The following BMPER variants were observed in gnomAD, a reference collection of about 807,000 sequenced individuals.
BMPER encodes BMP binding endothelial regulator.
Under a neutral mutation model 87.3 loss-of-function variants are expected in BMPER, and 45 were observed. The observed-to-expected ratio is 0.52, with a 90% CI of 0.41 to 0.66. The LOEUF (loss-of-function observed/expected upper bound fraction) is 0.66. Among genes scored for constraint, BMPER ranks in the 30% least tolerant of loss-of-function variants. The pLI, the probability that BMPER is intolerant of heterozygous loss-of-function variation, is 0.00. For synonymous variants in BMPER, 326 were observed against 316.2 expected, an observed-to-expected ratio of 1.03 and a Z score of -0.33; for missense variants, 784 against 867.5, an observed-to-expected ratio of 0.90 and a Z score of 1.21.
In BMPER at chr7:33,970,431, A is replaced by G. The variant is rs749759930; in HGVS notation, c.493+12A>G. 38 of 1,610,620 alleles carry G rather than the reference A, an allele frequency of 2.4e-5. No homozygotes were observed. Among genetic ancestry groups the G allele is most frequent in the East Asian group, 4.5e-5 (2 of 44,878 alleles). ...CCCCACATGTCCAGGTAACGTTCTCAGGAAGGGGAGGCTGGAAATCTCTGT... is the reference window on the plus strand; with the variant it reads ...CCCCACATGTCCAGGTAACGTTCTCGGGAAGGGGAGGCTGGAAATCTCTGT... On this transcript the variant is annotated intron_variant, in intron 5 of 14. Transcript: ENST00000649409.
At chr7:34,084,026 G>A (rs547605973) in intron 12 of BMPER, among the ~76,000 whole-genome samples, 41 of 146,570 alleles carry the variant, frequency 2.8e-4, no homozygotes, top group Middle Eastern at 3.7e-3. Context: ...AAAAAAGGCC[G>A]CATGCAGTGG....
rs1400844845 is a variant in BMPER, at chr7:34,153,869, A to C, written c.*596A>C. 6.4e-6 allele frequency: 1 copy of C among 155,546 alleles called. No homozygotes were observed. Among genetic ancestry groups the C allele is most frequent in the Non-Finnish European group, 1.4e-5 (1 of 69,786 alleles). The allele number at this position is 155,546 out of a possible 1,614,324, so 9.6% of individuals were successfully genotyped here. A position where few individuals can be genotyped will look rare whatever the true frequency, so the allele number is the denominator to read the frequency against. On this transcript the variant is annotated 3_prime_UTR_variant, in exon 15 of 15. Transcript: ENST00000649409. ...GGTCATGGGCTAACATTATTTCCAA[A>C]ATTGATTGGCTGGTTGCCAAGAAAT... is the stretch of plus-strand genomic sequence containing the variant.
intron 2 of BMPER, among the ~76,000 whole-genome samples, chr7:33,920,643 C>G (rs893529405): frequency 1.3e-5 from 2 of 151,834 alleles, no homozygotes; most frequent in Non-Finnish European, 2.9e-5. Context: ...TCAGGCTGGT[C>G]TTGAACTCCT....
At chr7:34,122,671 A>AT (rs940569912) in intron 13 of BMPER, among the ~76,000 whole-genome samples, 1 of 152,202 alleles carries the variant, frequency 6.6e-6, no homozygotes, top group African/African-American at 2.4e-5. Context: ...CTCCTTGAGA[A>AT]TTTTGGTTTT....
At chr7:33,936,027 G>GC (rs1303335393) in intron 2 of BMPER, among the ~76,000 whole-genome samples, 1 of 152,026 alleles carries the variant, frequency 6.6e-6, no homozygotes, top group Non-Finnish European at 1.5e-5. Flanking sequence ...ACACAAGCTC[G>GC]CAGGCACATA....
intron 3 of BMPER, among the ~76,000 whole-genome samples, chr7:33,962,014 C>T (rs1458332626): frequency 6.6e-6 from 1 of 152,140 alleles, no homozygotes; most frequent in African/African-American, 2.4e-5. Flanking sequence ...AGAAACTAGG[C>T]ACAGCCAAGG....
chr7:34,051,125 G>A (rs555373602), intron 7 of BMPER, among the ~76,000 whole-genome samples: 4 of 152,218 alleles, frequency 2.6e-5, no homozygotes, highest in South Asian at 2.1e-4. Context: ...TTGTCACGTC[G>A]TGGTGAGGGT....
At chr7:34,140,946 A>G (rs139370878) in intron 13 of BMPER, among the ~76,000 whole-genome samples, 65 of 152,262 alleles carry the variant, frequency 4.3e-4, no homozygotes, top group African/African-American at 1.4e-3. Context: ...AGCCGTGTAT[A>G]CAGAAAGAGA....
At chr7:33,942,320 C>G (rs1011350101) in intron 3 of BMPER, among the ~76,000 whole-genome samples, 7 of 152,144 alleles carry the variant, frequency 4.6e-5, no homozygotes, top group African/African-American at 1.7e-4. Flanking sequence ...AGGTAGTACT[C>G]CTGGTGGTAC....
intron 13 of BMPER, among the ~76,000 whole-genome samples, chr7:34,114,587 A>G (rs1176563906): frequency 1.3e-5 from 2 of 152,224 alleles, no homozygotes; most frequent in Non-Finnish European, 2.9e-5. Flanking sequence ...AAATATATCA[A>G]TTAATCATAC....
At chr7:33,988,766 TC>T (rs1460934283) in intron 6 of BMPER, among the ~76,000 whole-genome samples, 3 of 70,508 alleles carry the variant, frequency 4.3e-5, no homozygotes, top group Non-Finnish European at 7.7e-5. Context: ...CCCTCCCCCC[TC>T]CCCCCACCCC....
At chr7:34,055,354 T>C (rs1318072152) in intron 9 of BMPER, 51 bp downstream of exon 9, 4 of 1,610,618 alleles carry the variant, frequency 2.5e-6, no homozygotes, top group Non-Finnish European at 3.4e-6. Flanking sequence ...ACGCTGACAA[T>C]TAAAAAGCTC....
At chr7:33,992,677 T>G (rs998531648) in intron 6 of BMPER, among the ~76,000 whole-genome samples, 8 of 150,676 alleles carry the variant, frequency 5.3e-5, no homozygotes, top group African/African-American at 2.0e-4. Context: ...TAGCTGGTTA[T>G]TTTGCTTATT....
At chr7:34,029,090 T>G (rs1787458402) in intron 6 of BMPER, among the ~76,000 whole-genome samples, 1 of 152,060 alleles carries the variant, frequency 6.6e-6, no homozygotes, top group Non-Finnish European at 1.5e-5. Flanking sequence ...GGTAGAATAC[T>G]CAATGGTATT....
chr7:33,916,455 G>T (rs1784088698), intron 2 of BMPER, among the ~76,000 whole-genome samples: 1 of 152,222 alleles, frequency 6.6e-6, no homozygotes, highest in Non-Finnish European at 1.5e-5. Context: ...ATTTTAAAGA[G>T]TGTGATGTGG....
chr7:34,113,311 T>C (rs937165096), intron 13 of BMPER, among the ~76,000 whole-genome samples: 4 of 151,850 alleles, frequency 2.6e-5, no homozygotes, highest in African/African-American at 7.2e-5. Context: ...TTATAGTAGT[T>C]ATTATCATAT....
chr7:34,116,342 T>C (rs892246150), intron 13 of BMPER, among the ~76,000 whole-genome samples: 1 of 152,330 alleles, frequency 6.6e-6, no homozygotes, highest in Middle Eastern at 3.4e-3. Flanking sequence ...ATTTCTGAAA[T>C]ACAGTGAGTT....
intron 6 of BMPER, among the ~76,000 whole-genome samples, chr7:34,019,808 A>C (rs574068536): frequency 6.6e-6 from 1 of 152,100 alleles, no homozygotes; most frequent in East Asian, 1.9e-4. Flanking sequence ...AAGGACTGTA[A>C]AGAGGTGTGA....
chr7:34,015,905 A>G (rs1787011807), intron 6 of BMPER, among the ~76,000 whole-genome samples: 1 of 151,958 alleles, frequency 6.6e-6, no homozygotes, highest in South Asian at 2.1e-4. Context: ...GAGCCTGTAG[A>G]GTAGCATTTT....
Sources: allele counts gnomAD v4.1 joint callset (sites outside exome capture counted in the v4.1 genomes callset), GRCh38; gene constraint gnomAD v4.1.1; transcripts MANE v1.5; gene names NCBI Gene and HGNC (gene_info 2026-07-23, HGNC 2026-07-21).